TDRD12: variants seen among roughly 807,000 people sequenced by gnomAD.
The protein encoded by TDRD12 is putative ATP-dependent RNA helicase TDRD12.
Under a neutral mutation model 133.5 loss-of-function variants are expected in TDRD12, and 158 were observed. The ratio of observed to expected loss-of-function variants is 1.18; its 90% CI spans 1.04 to 1.35. TDRD12 has a LOEUF of 1.35. TDRD12 is among the 40% of genes most tolerant of loss of function. The pLI, the probability that TDRD12 is intolerant of heterozygous loss-of-function variation, is 0.00. For missense variants in TDRD12, 1,443 were observed against 1,321.3 expected, an observed-to-expected ratio of 1.09 and a Z score of -1.43; for synonymous variants, 460 against 477.9, an observed-to-expected ratio of 0.96 and a Z score of 0.49.
At chr19:32,776,092 G>C (rs1320067959) in intron 10 of TDRD12, among the ~76,000 whole-genome samples, 2 of 152,124 alleles carry the variant, frequency 1.3e-5, no homozygotes, top group Non-Finnish European at 2.9e-5. Context: ...GGGCGAGTTG[G>C]GGCTTGTGTT....
intron 27 of TDRD12, among the ~76,000 whole-genome samples, chr19:32,819,576 C>T (rs1421461742): frequency 6.6e-6 from 1 of 152,168 alleles, no homozygotes; most frequent in Non-Finnish European, 1.5e-5. Context: ...AAGGCTCCCA[C>T]AGCCCCCTTT....
downstream of TDRD12, among the ~76,000 whole-genome samples, chr19:32,821,432 G>A (rs1186814396): frequency 6.6e-6 from 1 of 150,642 alleles, no homozygotes; most frequent in Non-Finnish European, 1.5e-5. Flanking sequence ...CACCCACATC[G>A]AGCTGTTGAA....
chr19:32,774,972 A>G (rs184854225), intron 10 of TDRD12, among the ~76,000 whole-genome samples: 1 of 152,006 alleles, frequency 6.6e-6, no homozygotes, highest in East Asian at 1.9e-4. Context: ...GCAACAGAAC[A>G]AGACTCCGTT....
intron 1 of TDRD12, among the ~76,000 whole-genome samples, chr19:32,728,352 G>T (rs757649134): frequency 6.6e-6 from 1 of 151,690 alleles, no homozygotes; most frequent in African/African-American, 2.4e-5. Context: ...CTTTGAGTAG[G>T]ATTGACATCT....
At chr19:32,768,063 T>C (rs1295170449) in intron 8 of TDRD12, among the ~76,000 whole-genome samples, 1 of 152,252 alleles carries the variant, frequency 6.6e-6, no homozygotes, top group Non-Finnish European at 1.5e-5. Context: ...CTCATTTTCT[T>C]ACATATTGTA....
intron 2 of TDRD12, among the ~76,000 whole-genome samples, chr19:32,735,424 T>TGAGCAAGGTTAGGAAGCTGCAGGGA (rs1177499706): frequency 1.3e-5 from 2 of 152,194 alleles, no homozygotes. Context: ...GTATAAAGGC[T>TGAGCAAGGTTAGGAAGCTGCAGGGA]GAGCAAGGTT....
At chr19:32,801,481 A>G (rs1181257706) in intron 18 of TDRD12, among the ~76,000 whole-genome samples, 1 of 152,114 alleles carries the variant, frequency 6.6e-6, no homozygotes. Flanking sequence ...GTGTTTATAC[A>G]CACACACAAG....
intron 11 of TDRD12, among the ~76,000 whole-genome samples, chr19:32,789,279 G>A (rs1373481455): frequency 1.3e-5 from 2 of 152,186 alleles, no homozygotes; most frequent in Non-Finnish European, 1.5e-5. Context: ...CCAACATTCT[G>A]TTCTGGAATA....
intron 14 of TDRD12, chr19:32,796,160 G>C: frequency 1.0e-6 from 1 of 985,428 alleles, no homozygotes. Flanking sequence ...GCATCTCGGG[G>C]CCTGGCACTG....
At chr19:32,738,087 A>G (rs2145459076) in intron 2 of TDRD12, among the ~76,000 whole-genome samples, 1 of 152,122 alleles carries the variant, frequency 6.6e-6, no homozygotes, top group African/African-American at 2.4e-5. Context: ...CAGTGAGCCA[A>G]GGTCGCACCA....
At chr19:32,790,804 T>C (rs1300709190) in intron 12 of TDRD12, 160 bp from the exon 13 acceptor site, 2 of 1,471,230 alleles carry the variant, frequency 1.4e-6, no homozygotes, top group East Asian at 4.9e-5. Flanking sequence ...ATCTTCCTTT[T>C]GGTAGTTTGG....
chr19:32,750,348 A>T (rs1969787056), intron 6 of TDRD12, among the ~76,000 whole-genome samples: 1 of 152,164 alleles, frequency 6.6e-6, no homozygotes, highest in African/African-American at 2.4e-5. Context: ...CTCAGGGCAC[A>T]CCTCAGCACC....
intron 3 of TDRD12, among the ~76,000 whole-genome samples, chr19:32,739,479 G>T (rs1343374172): frequency 7.2e-6 from 1 of 138,846 alleles, no homozygotes; most frequent in African/African-American, 2.8e-5. Flanking sequence ...GGTTCTTCCT[G>T]CATCTCCTGG....
chr19:32,802,658 C>T, exon 20 of TDRD12: 1 of 1,536,004 alleles, frequency 6.5e-7, no homozygotes. Context: ...CTCTGCAGCC[C>T]TCACAGACGA....
Position 32,801,804 on chromosome 19 carries a change from ATT to A in TDRD12, c.2132_2133del (p.Phe711Ter). 6.8e-7 allele frequency: 1 copy of A among 1,479,374 alleles called. No homozygotes were observed. The highest frequency in any genetic ancestry group is 9.1e-7 in the Non-Finnish European group (1 of 1,102,952). 91.6% of individuals were successfully genotyped at this position (1,479,374 alleles called of 1,614,324 possible). ...TTGCTTGAAGATGCATAAAGAAATG[ATT>A]TTTAACTTACAAAATGTTTTAGAAC... On this transcript the variant is annotated frameshift_variant, in exon 19 of 28. Coordinates refer to ENST00000444215, the Ensembl canonical transcript of TDRD12. LOFTEE classifies it high-confidence loss of function.
Position 32,826,827 on chromosome 19 carries a change from T to C in TDRD12, c.1049+229T>C. 3.2e-6 allele frequency: 3 copies of C among 944,802 alleles called. No homozygotes were observed. The Admixed American group carries it at 1.3e-4, about 40-fold the overall frequency. 58.5% of individuals were successfully genotyped at this position (944,802 alleles called of 1,614,324 possible). A position where few individuals can be genotyped will look rare whatever the true frequency, so the allele number is the denominator to read the frequency against. On this transcript the variant is annotated intron_variant, in intron 9 of 9. Transcript: ENST00000637289. ...AGGGACACCATCACCCACTTAGGAA[T>C]TCAGCCTTGGTGGAAGTGGACCGTT...
At chr19:32,816,982 G>GATT (rs1967201663) in intron 26 of TDRD12, among the ~76,000 whole-genome samples, 1 of 152,086 alleles carries the variant, frequency 6.6e-6, no homozygotes, top group Non-Finnish European at 1.5e-5. Flanking sequence ...ACCAGAGAGG[G>GATT]GAATGAGAGA....
chr19:32,826,554 G>C (rs942041625), exon 9 of TDRD12: 1 of 1,241,912 alleles, frequency 8.1e-7, no homozygotes, highest in African/African-American at 1.5e-5. Context: ...AATCACTCTG[G>C]CCAAAGAGAG....
At chr19:32,744,499 C>CAAAAAAAAAAAAAA (rs10644749) in intron 4 of TDRD12, among the ~76,000 whole-genome samples, 1 of 38,100 alleles carries the variant, frequency 2.6e-5, no homozygotes, top group African/African-American at 1.0e-4. Context: ...GACTCCGTCT[C>CAAAAAAAAAAAAAA]AAAAAAAAAA....
Sources: gnomAD v4.1 joint callset for allele counts (sites outside exome capture counted in the v4.1 genomes callset) on GRCh38, gnomAD v4.1.1 for gene constraint, MANE v1.5 for transcripts, NCBI Gene and HGNC (gene_info 2026-07-23, HGNC 2026-07-21) for gene names.